The following CCSER1 variants were observed in gnomAD, a reference collection of about 807,000 sequenced individuals.
CCSER1 encodes the protein coiled-coil serine rich protein 1.
A neutral mutation model predicts 82.0 loss-of-function variants in CCSER1; 41 were observed. The observed-to-expected ratio is 0.50, with a 90% CI of 0.39 to 0.65. The LOEUF (loss-of-function observed/expected upper bound fraction) is 0.65, where lower values mean the gene tolerates loss of function less well. Among genes scored for constraint, CCSER1 ranks in the 30% least tolerant of loss-of-function variants. The pLI, the probability that CCSER1 is intolerant of heterozygous loss-of-function variation, is 0.00. For missense variants in CCSER1, 1,119 were observed against 1,064.2 expected, an observed-to-expected ratio of 1.05 and a Z score of -0.72; for synonymous variants, 414 against 383.9, an observed-to-expected ratio of 1.08 and a Z score of -0.92.
intron 10 of CCSER1, among the ~76,000 whole-genome samples, chr4:91,241,676 A>G (rs1012053330): frequency 1.1e-4 from 17 of 152,188 alleles, no homozygotes; most frequent in Non-Finnish European, 1.9e-4. Context: ...TTATAACTAT[A>G]CATGTGTTTT....
intron 3 of CCSER1, among the ~76,000 whole-genome samples, chr4:90,374,928 T>G (rs1748057561): frequency 6.6e-6 from 1 of 152,192 alleles, no homozygotes; most frequent in South Asian, 2.1e-4. Flanking sequence ...CCACACTCCC[T>G]ACCATCCACG....
intron 1 of CCSER1, among the ~76,000 whole-genome samples, chr4:90,279,294 G>A (rs907742161): frequency 6.6e-6 from 1 of 151,896 alleles, no homozygotes; most frequent in Non-Finnish European, 1.5e-5. Flanking sequence ...TAGACTGTAT[G>A]CACATAGTTT....
intron 10 of CCSER1, among the ~76,000 whole-genome samples, chr4:91,349,742 A>G (rs1416390073): frequency 6.7e-6 from 1 of 149,256 alleles, no homozygotes; most frequent in East Asian, 1.9e-4. Context: ...CACTGAGAGA[A>G]CCCAACTGGG....
intron 10 of CCSER1, among the ~76,000 whole-genome samples, chr4:91,218,136 A>G (rs990353205): frequency 2.6e-5 from 4 of 152,230 alleles, no homozygotes; most frequent in Non-Finnish European, 4.4e-5. Flanking sequence ...GCTAAGGCCC[A>G]GCGAGAAATC....
intron 3 of CCSER1, among the ~76,000 whole-genome samples, chr4:90,319,647 C>G (rs933335633): frequency 3.0e-5 from 4 of 131,358 alleles, no homozygotes; most frequent in African/African-American, 6.0e-5. Flanking sequence ...GCAAGACTCT[C>G]TCAAAAAAAA....
At chr4:91,523,047 C>T (rs1760575016) in intron 10 of CCSER1, among the ~76,000 whole-genome samples, 1 of 152,106 alleles carries the variant, frequency 6.6e-6, no homozygotes, top group African/African-American at 2.4e-5. Flanking sequence ...AGATATGTTC[C>T]ATCAATATCT....
intron 10 of CCSER1, among the ~76,000 whole-genome samples, chr4:91,173,876 A>C (rs1197816131): frequency 6.6e-6 from 1 of 152,212 alleles, no homozygotes; most frequent in East Asian, 1.9e-4. Flanking sequence ...ACAGACCTTT[A>C]ATGAATTAGA....
chr4:91,425,843 A>G (rs1753937662), intron 10 of CCSER1, among the ~76,000 whole-genome samples: 1 of 152,218 alleles, frequency 6.6e-6, no homozygotes, highest in African/African-American at 2.4e-5. Flanking sequence ...ACTGTATTGT[A>G]TACCTTACAT....
At chr4:90,598,181 G>A (rs1265877787) in intron 5 of CCSER1, among the ~76,000 whole-genome samples, 10 of 151,918 alleles carry the variant, frequency 6.6e-5, no homozygotes, top group Admixed American at 5.9e-4. Context: ...TGAATCATAC[G>A]CTAGTTCTAT....
intron 1 of CCSER1, among the ~76,000 whole-genome samples, chr4:90,253,310 G>A (rs1035986062): frequency 3.9e-5 from 6 of 152,016 alleles, no homozygotes; most frequent in African/African-American, 1.4e-4. Context: ...AATTTTTAGT[G>A]GGTTTCAAAT....
In CCSER1 at chr4:91,599,040, G is replaced by C; in HGVS notation, c.2686G>C (p.Gly896Arg). The change falls in exon 11 of 11, where the codon GGC becomes CGC. Residue 896 changes from glycine (G) to arginine (R), a missense_variant. Transcript: ENST00000509176. ...ACACAGCACTGAGCTGCAAACTCTA[G>C]GCCAGCAGGATGGGTAATTAAATCA... ...NLHSTELQTL[G>R]QQDG 6.5e-7 allele frequency: 1 copy of C among 1,541,180 alleles called. No individual in the cohort carries two copies. Among genetic ancestry groups the C allele is most frequent in the South Asian group, 1.2e-5 (1 of 83,602 alleles).
chr4:90,346,025 T>G (rs1561067535), intron 3 of CCSER1, among the ~76,000 whole-genome samples: 1 of 152,050 alleles, frequency 6.6e-6, no homozygotes, highest in Non-Finnish European at 1.5e-5. Flanking sequence ...CCTTCCTTAA[T>G]TTATGTAAAT....
chr4:90,530,237 A>G (rs994475128), intron 5 of CCSER1, among the ~76,000 whole-genome samples: 1 of 152,164 alleles, frequency 6.6e-6, no homozygotes, highest in Non-Finnish European at 1.5e-5. Context: ...TAATCAAGTC[A>G]GTAATCATAG....
intron 10 of CCSER1, among the ~76,000 whole-genome samples, chr4:91,219,480 T>C (rs111634284): frequency 0.016 from 2,397 of 152,120 alleles, 36 homozygotes; most frequent in Middle Eastern, 0.048. Flanking sequence ...ACCTGGCTAT[T>C]TTTGTAGAGA....
intron 10 of CCSER1, among the ~76,000 whole-genome samples, chr4:91,090,664 T>C (rs1723850859): frequency 6.6e-6 from 1 of 152,212 alleles, no homozygotes; most frequent in Non-Finnish European, 1.5e-5. Flanking sequence ...ACTGATCTCC[T>C]GTTACAGTTC....
intron 6 of CCSER1, among the ~76,000 whole-genome samples, chr4:90,711,621 G>A (rs982105319): frequency 1.3e-5 from 2 of 151,908 alleles, no homozygotes; most frequent in African/African-American, 4.8e-5. Context: ...CTGTTTATGT[G>A]TCAAATGAGA....
rs557495403 is a variant in CCSER1, at chr4:91,273,096, T to C, written c.2217+187102T>C. On this transcript the variant is annotated intron_variant, in intron 10 of 10. Transcript: ENST00000509176. ...TATGCTGGCTCTTTTTTTGGTTCTA[T>C]ATGAATTTTAGGATTTTTTTTTTCT... Among the ~76,000 whole-genome samples, 9 of 152,072 alleles carry C rather than the reference T, an allele frequency of 5.9e-5. No individual in the cohort carries two copies. In the East Asian group the frequency reaches 9.6e-4, roughly 16 times the overall value.
intron 1 of CCSER1, among the ~76,000 whole-genome samples, chr4:90,248,870 G>A (rs113371994): frequency 0.018 from 2,744 of 150,414 alleles, 43 homozygotes; most frequent in African/African-American, 0.049. Context: ...GCTAATTTTT[G>A]TGTTTTTTTT....
At chr4:91,432,348 A>G (rs1754378664) in intron 10 of CCSER1, among the ~76,000 whole-genome samples, 1 of 152,248 alleles carries the variant, frequency 6.6e-6, no homozygotes, top group South Asian at 2.1e-4. Flanking sequence ...ATAGAATTAT[A>G]GTACAAATAA....
Sources: allele counts gnomAD v4.1 joint callset (sites outside exome capture counted in the v4.1 genomes callset), GRCh38; gene constraint gnomAD v4.1.1; transcripts MANE v1.5; gene names NCBI Gene and HGNC (gene_info 2026-07-23, HGNC 2026-07-21).